Variants in RAB15 observed in about 807,000 individuals in gnomAD.
RAB15 encodes RAB15, member RAS oncogene family, also known as ras-related protein Rab-15.
In RAB15, 13 loss-of-function variants were observed where a neutral mutation model predicts 31.8. That is an observed-to-expected ratio of 0.41 (90% confidence interval 0.27 to 0.65). The LOEUF (loss-of-function observed/expected upper bound fraction) is 0.65. Ranked by LOEUF, RAB15 falls within the 30% of genes least tolerant of loss-of-function variation. The probability of loss-of-function intolerance (pLI) is 0.32; values close to 1 mark genes in which losing one functional copy is unlikely to be tolerated. For missense variants in RAB15, 220 were observed against 277.3 expected, an observed-to-expected ratio of 0.79 and a Z score of 1.47; for synonymous variants, 100 against 105.6, an observed-to-expected ratio of 0.95 and a Z score of 0.33.
In RAB15 at chr14:64,946,161, T is replaced by TATCA; in HGVS notation, c.*2189_*2192dup. 1 of 152,494 alleles carries TATCA rather than the reference T, an allele frequency of 6.6e-6. No homozygotes were observed. The highest frequency in any genetic ancestry group is 1.5e-5 in the Non-Finnish European group (1 of 68,078). 9.4% of individuals were successfully genotyped at this position (152,494 alleles called of 1,614,324 possible). On this transcript the variant is annotated 3_prime_UTR_variant, in exon 7 of 7. Transcript: ENST00000533601. Reference sequence around the variant, plus strand: ...AGTCATGGCCCTTGTGGATAGGGCCTATCAGTCTATAGAATCCTGATTCCA... The same window carrying TATCA: ...AGTCATGGCCCTTGTGGATAGGGCCTATCAATCAGTCTATAGAATCCTGATTCCA...
chr14:64,966,979 A>C (rs1303261735), intron 1 of RAB15, among the ~76,000 whole-genome samples: 2 of 152,160 alleles, frequency 1.3e-5, no homozygotes, highest in Non-Finnish European at 2.9e-5. Context: ...CACAGGCCCC[A>C]GTGTCTGTTA....
rs183439502 is a variant in RAB15, at chr14:64,948,108, G to A, written c.*246C>T. 4.6e-6 allele frequency: 2 copies of A among 435,750 alleles called. No homozygotes were observed. The highest frequency in any genetic ancestry group is 8.3e-5 in the Admixed American group (2 of 24,098). The allele number at this position is 435,750 out of a possible 1,614,324, so 27.0% of individuals were successfully genotyped here. ...GTGCTTGCGGCACATCGTGGGGGTC[G>A]TAGCAGGCCTGTGGCTGGGGAAACA... On this transcript the variant is annotated 3_prime_UTR_variant, in exon 7 of 7. Coordinates refer to ENST00000533601, the MANE Select transcript of RAB15 (RefSeq NM_001308154.2). The surrounding 1 kb of genome is among the most constrained non-coding windows in gnomAD (Gnocchi z 7.0).
At chr14:64,963,606 T>C (rs982234430) in intron 1 of RAB15, among the ~76,000 whole-genome samples, 1 of 152,144 alleles carries the variant, frequency 6.6e-6, no homozygotes, top group Admixed American at 6.5e-5. Flanking sequence ...GACTAGGACA[T>C]AGAAACTCAG....
At position 64,948,457 on chromosome 14, in the gene RAB15, C is replaced by A; in HGVS notation, c.536G>T (p.Gly179Val). The A allele has an allele frequency of 6.2e-7, 1 of 1,613,300 alleles. No homozygotes were observed. Among genetic ancestry groups the A allele is most frequent in the Non-Finnish European group, 8.5e-7 (1 of 1,179,662 alleles). The part of the protein sequence containing the change: ...VLQAHRKELE[G>V]LRMRASNELA... ...CTCATTGCTGGCACGCATCCGGAGGCCTTCCAGCTCCTTCCTATGGGCCTG... is the reference window on the plus strand; with the variant it reads ...CTCATTGCTGGCACGCATCCGGAGGACTTCCAGCTCCTTCCTATGGGCCTG... The change falls in exon 7 of 7, where the codon GGC (glycine) becomes GTC (valine). Residue 179 changes from glycine to valine, a missense_variant. Physicochemically the swap from Gly to Val is moderately radical, Grantham distance 109. Coordinates refer to ENST00000533601, the MANE Select transcript of RAB15 (RefSeq NM_001308154.2). This position sits in a 1 kb window ranked among gnomAD's most constrained non-coding sequence, Gnocchi z 7.0.
rs1298572667 is a variant in RAB15, at chr14:64,956,421, AAAAAG to A, written c.125-3855_125-3851del. On this transcript the variant is annotated intron_variant, in intron 1 of 6. Transcript: ENST00000533601. ...GTGAGACTTCATCTCAAAAAAAAAA[AAAAAG>A]AAAAGAAAGGAAAAGAAAACGAAAT... Among the ~76,000 whole-genome samples the A allele has an allele frequency of 1.1e-3, 171 of 152,028 alleles. 2 individuals are homozygous for A. The highest frequency in any genetic ancestry group is 3.8e-3 in the African/African-American group (159 of 41,462).
chr14:64,948,219 G>A lies in RAB15; in HGVS notation c.*135C>T. The A allele has an allele frequency of 1.1e-6, 1 of 918,188 alleles. No individual in the cohort carries two copies. The highest frequency in any genetic ancestry group is 1.5e-6 in the Non-Finnish European group (1 of 648,830). The allele number at this position is 918,188 out of a possible 1,614,324, so 56.9% of individuals were successfully genotyped here. A position where few individuals can be genotyped will look rare whatever the true frequency, so the allele number is the denominator to read the frequency against. ...CAGAGCCGCTCTCAGGGCCAGGCAG[G>A]GGGAGTAGTGGCTACTGATACTCAA... On this transcript the variant is annotated 3_prime_UTR_variant, in exon 7 of 7. Transcript: ENST00000533601. The surrounding 1 kb of genome is among the most constrained non-coding windows in gnomAD (Gnocchi z 7.0).
At chr14:64,961,074 A>G (rs1372233536) in intron 1 of RAB15, among the ~76,000 whole-genome samples, 1 of 151,964 alleles carries the variant, frequency 6.6e-6, no homozygotes, top group Non-Finnish European at 1.5e-5. Context: ...AGCCCAAAGG[A>G]CCAGCAGTGC....
At chr14:64,964,334 C>T (rs560132545) in intron 1 of RAB15, among the ~76,000 whole-genome samples, 9 of 151,778 alleles carry the variant, frequency 5.9e-5, no homozygotes, top group Admixed American at 2.6e-4. Context: ...CCATCCTGGC[C>T]AACATGGTGA....
Position 64,950,195 on chromosome 14 carries a change from G to A in RAB15, c.414+130C>T. On this transcript the variant is annotated intron_variant, in intron 5 of 6. Transcript: ENST00000533601. The surrounding 1 kb of genome is among the most constrained non-coding windows in gnomAD (Gnocchi z 5.6). ...TTCCGAGGATGGCCACTCCCCCAGG[G>A]CCTTGGGGTGCTGGGGACGTGTGGG... 2 of 779,764 alleles carry A rather than the reference G, an allele frequency of 2.6e-6. No homozygotes were observed. Among genetic ancestry groups the A allele is most frequent in the Middle Eastern group, 3.6e-4 (1 of 2,800 alleles). 48.3% of individuals were successfully genotyped at this position (779,764 alleles called of 1,614,324 possible). A position where few individuals can be genotyped will look rare whatever the true frequency, so the allele number is the denominator to read the frequency against.
rs1418812073 is a variant in RAB15 at position 64,971,595 on chromosome 14, C to G, written c.124+358G>C. On this transcript the variant is annotated intron_variant, in intron 1 of 6. Transcript: ENST00000533601. This position sits in a 1 kb window ranked among gnomAD's most constrained non-coding sequence, Gnocchi z 4.1. Reference sequence around the variant, plus strand: ...CCCCTTTTCCGTAGCAGAAGCTTTACTTCCCCTCCCCCTGGGGGTGTGGGG... The same window carrying G: ...CCCCTTTTCCGTAGCAGAAGCTTTAGTTCCCCTCCCCCTGGGGGTGTGGGG... Among the ~76,000 whole-genome samples the G allele has an allele frequency of 2.0e-5, 3 of 152,062 alleles. No individual in the cohort carries two copies. Among genetic ancestry groups the G allele is most frequent in the Non-Finnish European group, 4.4e-5 (3 of 67,978 alleles).
chr14:64,964,599 G>A (rs1385221330), intron 1 of RAB15, among the ~76,000 whole-genome samples: 1 of 151,448 alleles, frequency 6.6e-6, no homozygotes, highest in Non-Finnish European at 1.5e-5. Flanking sequence ...TTTTTGAGAT[G>A]GAGTCTTGCT....
Position 64,950,899 on chromosome 14 carries a change from G to A in RAB15, c.324+175C>T, listed in dbSNP as rs1209615543. On this transcript the variant is annotated intron_variant, in intron 4 of 6. Transcript: ENST00000533601. This position sits in a 1 kb window ranked among gnomAD's most constrained non-coding sequence, Gnocchi z 5.6. ...GTGGAGGCCTGGCAGGGTATAGAGAGTGAGGGCATGGCAGCTTCGGTTTCT... is the reference window on the plus strand; with the variant it reads ...GTGGAGGCCTGGCAGGGTATAGAGAATGAGGGCATGGCAGCTTCGGTTTCT... The A allele has an allele frequency of 1.2e-5, 17 of 1,368,244 alleles. No homozygotes were observed. Among genetic ancestry groups the A allele is most frequent in the Middle Eastern group, 3.7e-4 (2 of 5,434 alleles). 84.8% of individuals were successfully genotyped at this position (1,368,244 alleles called of 1,614,324 possible). A position where few individuals can be genotyped will look rare whatever the true frequency, so the allele number is the denominator to read the frequency against.
rs987472530 is a variant in RAB15, at chr14:64,946,332, A to G, written c.*2022T>C. ...GGTCCACAGATTGGAGCCACTGCCCAATATAACTTCTCAAGTCCCTGGCTG... is the reference window on the plus strand; with the variant it reads ...GGTCCACAGATTGGAGCCACTGCCCGATATAACTTCTCAAGTCCCTGGCTG... On this transcript the variant is annotated 3_prime_UTR_variant, in exon 7 of 7. Coordinates refer to ENST00000533601, the MANE Select transcript of RAB15 (RefSeq NM_001308154.2). The G allele has an allele frequency of 2.0e-5, 3 of 152,186 alleles. No homozygotes were observed. The highest frequency in any genetic ancestry group is 4.4e-5 in the Non-Finnish European group (3 of 68,044). The allele number at this position is 152,186 out of a possible 1,614,324, so 9.4% of individuals were successfully genotyped here.
chr14:64,953,994 G>T lies in RAB15; in HGVS notation c.125-1423C>A. On this transcript the variant is annotated intron_variant, in intron 1 of 6. Coordinates refer to ENST00000533601, the MANE Select transcript of RAB15 (RefSeq NM_001308154.2). This position sits in a 1 kb window ranked among gnomAD's most constrained non-coding sequence, Gnocchi z 4.6. ...ATGGGAGACATCTTCCCTTATCTGT[G>T]CTGTCCCCAGCTTTCTACAAAGGCA... 1 of 985,392 alleles carries T rather than the reference G, an allele frequency of 1.0e-6. No homozygotes were observed. Among genetic ancestry groups the T allele is most frequent in the Non-Finnish European group, 1.2e-6 (1 of 829,932 alleles). 61.0% of individuals were successfully genotyped at this position (985,392 alleles called of 1,614,324 possible). A position where few individuals can be genotyped will look rare whatever the true frequency, so the allele number is the denominator to read the frequency against.
intron 1 of RAB15, among the ~76,000 whole-genome samples, chr14:64,965,769 A>G (rs1887103937): frequency 6.6e-6 from 1 of 152,150 alleles, no homozygotes; most frequent in East Asian, 1.9e-4. Context: ...AGAAGGAAGG[A>G]GGAGGAGGAA....
In RAB15 at chr14:64,970,440, C is replaced by T. The variant is rs1360183891; in HGVS notation, c.124+1513G>A. Reference sequence around the variant, plus strand: ...CTCTCATCCAAACCATGGCTCAGCCCAAGCTCCTGGGTTTCCTAAGAGTTG... The same window carrying T: ...CTCTCATCCAAACCATGGCTCAGCCTAAGCTCCTGGGTTTCCTAAGAGTTG... On this transcript the variant is annotated intron_variant, in intron 1 of 6. Transcript: ENST00000533601. This position sits in a 1 kb window ranked among gnomAD's most constrained non-coding sequence, Gnocchi z 4.1. Among the ~76,000 whole-genome samples, 1 of 152,216 alleles carries T rather than the reference C, an allele frequency of 6.6e-6. No homozygotes were observed. The highest frequency in any genetic ancestry group is 2.4e-5 in the African/African-American group (1 of 41,448).
rs557180026 is a variant in RAB15 at position 64,970,673 on chromosome 14, T to C, written c.124+1280A>G. ...TTAACAATCGTTATCTCATTTAATC[T>C]TGACAACAACTTGGCAGGTAGGTGC... On this transcript the variant is annotated intron_variant, in intron 1 of 6. Transcript: ENST00000533601. The surrounding 1 kb of genome is among the most constrained non-coding windows in gnomAD (Gnocchi z 4.1). 5.9e-5 allele frequency among the ~76,000 whole-genome samples: 9 copies of C among 152,390 alleles called. No homozygotes were observed. Among genetic ancestry groups the C allele is most frequent in the African/African-American group, 1.9e-4 (8 of 41,594 alleles).
Position 64,968,948 on chromosome 14 carries a change from G to C in RAB15, c.124+3005C>G, listed in dbSNP as rs72625651. 0.064 allele frequency among the ~76,000 whole-genome samples: 9,807 copies of C among 152,258 alleles called. 549 individuals carry two copies. The highest frequency in any genetic ancestry group is 0.31 in the East Asian group (1,600 of 5,174). ...CAGGGAGGCCTCTCACTGCTCCCTG[G>C]CGGGTTCTTCTCTAGAAGATCGCAG... On this transcript the variant is annotated intron_variant, in intron 1 of 6. Transcript: ENST00000533601. The surrounding 1 kb of genome is among the most constrained non-coding windows in gnomAD (Gnocchi z 4.9).
At chr14:64,949,004 A>G (rs888257478) in intron 5 of RAB15, among the ~76,000 whole-genome samples, 1 of 152,228 alleles carries the variant, frequency 6.6e-6, no homozygotes, top group African/African-American at 2.4e-5. Context: ...GACACCATCC[A>G]TTGTGGCAGT....
Sources: allele counts gnomAD v4.1 joint callset (sites outside exome capture counted in the v4.1 genomes callset), GRCh38; gene constraint gnomAD v4.1.1; non-coding constraint Gnocchi (gnomAD v3.1); transcripts MANE v1.5; gene names NCBI Gene and HGNC (gene_info 2026-07-23, HGNC 2026-07-21).